The following ZC3H7A variants were observed in gnomAD, a reference collection of about 807,000 sequenced individuals.
The protein encoded by ZC3H7A is zinc finger CCCH domain-containing protein 7A.
Under a neutral mutation model 125.5 loss-of-function variants are expected in ZC3H7A, and 44 were observed. That is an observed-to-expected ratio of 0.35 (90% CI 0.28 to 0.45). ZC3H7A has a LOEUF of 0.45. ZC3H7A is among the 20% of genes least tolerant of loss of function. The pLI is 1.00. For synonymous variants in ZC3H7A, 399 were observed against 391.2 expected (o/e 1.02, Z -0.23); for missense variants, 977 against 1,170.7 (o/e 0.83, Z 2.41).
intron 4 of ZC3H7A, among the ~76,000 whole-genome samples, chr16:11,777,951 G>A (rs1048530261): frequency 8.6e-5 from 13 of 150,748 alleles, no homozygotes; most frequent in Non-Finnish European, 5.9e-5. Context: ...CCCGGGAGAC[G>A]GAGGTTACGG....
In ZC3H7A at chr16:11,765,965, TCAAA is replaced by T. The variant is rs1200848640; in HGVS notation, c.1523-284_1523-281del. ...CTTGTCTAACAATTCATGGACAGCC[TCAAA>T]CAATGATATGCATATTATCTGGGGA... On this transcript the variant is annotated intron_variant, in intron 13 of 22. Transcript: ENST00000355758. The surrounding 1 kb of genome is among the most constrained non-coding windows in gnomAD (Gnocchi z 4.8). Among the ~76,000 whole-genome samples, 2 of 152,142 alleles carry T rather than the reference TCAAA, an allele frequency of 1.3e-5. No homozygotes were observed. Among genetic ancestry groups the T allele is most frequent in the Non-Finnish European group, 2.9e-5 (2 of 68,028 alleles).
chr16:11,752,617 A>C, intron 22 of ZC3H7A, 52 bp downstream of exon 22: 6 of 1,577,492 alleles, frequency 3.8e-6, no homozygotes, highest in Non-Finnish European at 5.2e-6. Flanking sequence ...CATGTCCATG[A>C]AAATTTGAGG....
chr16:11,762,295 TTG>T (rs1389791744), intron 17 of ZC3H7A, among the ~76,000 whole-genome samples: 12 of 152,154 alleles, frequency 7.9e-5, no homozygotes, highest in Admixed American at 3.9e-4. Context: ...ATGACTAGAA[TTG>T]TTTCATTTGG....
intron 16 of ZC3H7A, 94 bp from the exon 17 acceptor site, chr16:11,762,841 C>A: frequency 8.6e-7 from 1 of 1,164,514 alleles, no homozygotes; most frequent in Non-Finnish European, 1.3e-6. Context: ...CTTCAGCTTC[C>A]AATCTATTCT....
chr16:11,779,475 G>T, intron 3 of ZC3H7A, 112 bp from the exon 4 acceptor site: 1 of 896,620 alleles, frequency 1.1e-6, no homozygotes. Context: ...CAGAACAGCA[G>T]CATTGCTCTA....
At chr16:11,756,509 T>A (rs539412016) in intron 20 of ZC3H7A, 139 bp from the exon 21 acceptor site, 1 of 1,086,616 alleles carries the variant, frequency 9.2e-7, no homozygotes, top group African/African-American at 1.6e-5. Flanking sequence ...ATATTAGACA[T>A]GGAGAGATCA....
chr16:11,775,782 A>G (rs2053069799), intron 7 of ZC3H7A: 1 of 152,410 alleles, frequency 6.6e-6, no homozygotes, highest in Non-Finnish European at 1.5e-5. Flanking sequence ...TTAACATCCT[A>G]TAAAATGCCC....
intron 18 of ZC3H7A, 67 bp downstream of exon 18, chr16:11,761,843 T>C (rs2052757717): frequency 6.3e-7 from 1 of 1,582,262 alleles, no homozygotes; most frequent in Non-Finnish European, 8.5e-7. Context: ...TTTGCTTATG[T>C]GTATAATTTT....
chr16:11,771,782 T>A (rs2052987643), intron 9 of ZC3H7A, among the ~76,000 whole-genome samples: 1 of 152,148 alleles, frequency 6.6e-6, no homozygotes, highest in South Asian at 2.1e-4. Context: ...ATTACAGGTG[T>A]GAGCCACTGC....
intron 21 of ZC3H7A, among the ~76,000 whole-genome samples, chr16:11,753,467 A>G (rs1202383192): frequency 6.6e-6 from 1 of 152,136 alleles, no homozygotes; most frequent in Non-Finnish European, 1.5e-5. Context: ...TTTTAGAGAC[A>G]TGGTCTCGCT....
At chr16:11,770,497 T>C (rs1047728130) in intron 10 of ZC3H7A, among the ~76,000 whole-genome samples, 2 of 152,188 alleles carry the variant, frequency 1.3e-5, no homozygotes, top group African/African-American at 2.4e-5. Context: ...GGAGAATACA[T>C]TGTCATTTCA....
chr16:11,778,801 C>T (rs2053126660), intron 4 of ZC3H7A, among the ~76,000 whole-genome samples: 11 of 152,130 alleles, frequency 7.2e-5, no homozygotes, highest in Admixed American at 7.2e-4. Flanking sequence ...GCAAGCTTCG[C>T]CTCCTGGGTT....
At chr16:11,788,329 G>T (rs1042042036) in intron 1 of ZC3H7A, among the ~76,000 whole-genome samples, 6 of 152,044 alleles carry the variant, frequency 3.9e-5, no homozygotes, top group Non-Finnish European at 8.8e-5. Context: ...TCCCATAGAG[G>T]TCCTCCCTCC....
intron 1 of ZC3H7A, among the ~76,000 whole-genome samples, chr16:11,790,704 T>C (rs1339445404): frequency 1.3e-5 from 2 of 151,990 alleles, no homozygotes; most frequent in Admixed American, 1.3e-4. Context: ...AACGCCCGGC[T>C]AATTTTGTAT....
chr16:11,753,931 T>C (rs2052592306), intron 21 of ZC3H7A: 1 of 150,734 alleles, frequency 6.6e-6, no homozygotes, highest in South Asian at 2.2e-4. Flanking sequence ...ATTACAGGCA[T>C]GAACCACCAT....
chr16:11,797,079 G>A (rs1471604354), intron 1 of ZC3H7A, 45 bp downstream of exon 1: 2 of 137,114 alleles, frequency 1.5e-5, no homozygotes, highest in Non-Finnish European at 3.0e-5. Flanking sequence ...GGGGGCGCGG[G>A]CGCGCGCGTT....
intron 3 of ZC3H7A, 142 bp downstream of exon 3, chr16:11,781,283 A>AAAAAT (rs372902984): frequency 1.1e-3 from 807 of 723,084 alleles, no homozygotes; most frequent in South Asian, 3.2e-3. Flanking sequence ...TTATTTGCAA[A>AAAAAT]AAAATAAAAT....
intron 22 of ZC3H7A, among the ~76,000 whole-genome samples, chr16:11,752,446 T>C (rs768466740): frequency 1.3e-5 from 2 of 152,218 alleles, no homozygotes; most frequent in Admixed American, 6.5e-5. Context: ...TTCAAATTAG[T>C]ATTGGAAGAC....
intron 20 of ZC3H7A, 124 bp from the exon 21 acceptor site, chr16:11,756,494 C>A: frequency 8.1e-7 from 1 of 1,234,960 alleles, no homozygotes; most frequent in Admixed American, 2.7e-5. Flanking sequence ...CTGAAGGAGA[C>A]TATTATATTA....
Sources: allele counts gnomAD v4.1 joint callset (sites outside exome capture counted in the v4.1 genomes callset), GRCh38; gene constraint gnomAD v4.1.1; non-coding constraint Gnocchi (gnomAD v3.1); transcripts MANE v1.5; gene names NCBI Gene and HGNC (gene_info 2026-07-23, HGNC 2026-07-21).